MTMR3: variants seen among roughly 807,000 people sequenced by gnomAD.
The protein encoded by MTMR3 is myotubularin related protein 3.
Under a neutral mutation model 132.4 loss-of-function variants are expected in MTMR3, and 32 were observed. The ratio of observed to expected loss-of-function variants is 0.24; its 90% CI spans 0.18 to 0.32. MTMR3 has a LOEUF of 0.32. Among genes scored for constraint, MTMR3 ranks in the 10% least tolerant of loss-of-function variants. The pLI, the probability that MTMR3 is intolerant of heterozygous loss-of-function variation, is 1.00. For missense variants in MTMR3, 1,216 were observed against 1,489.6 expected (o/e 0.82, Z 3.02); for synonymous variants, 556 against 550.3 (o/e 1.01, Z -0.14).
intron 1 of MTMR3, among the ~76,000 whole-genome samples, chr22:29,955,443 T>C (rs750374866): frequency 6.6e-6 from 1 of 152,234 alleles, no homozygotes; most frequent in Non-Finnish European, 1.5e-5. Flanking sequence ...CCCTCAACTT[T>C]CCTGCTGTAC....
intron 15 of MTMR3, 39 bp from the exon 16 acceptor site, chr22:30,017,888 T>A (rs5763701): frequency 5.6e-6 from 9 of 1,610,550 alleles, no homozygotes; most frequent in Non-Finnish European, 6.8e-6. Context: ...AGAAGACTTA[T>A]TGGGGCATAT....
intron 1 of MTMR3, among the ~76,000 whole-genome samples, chr22:29,894,226 T>C (rs1050436029): frequency 6.6e-6 from 1 of 152,042 alleles, no homozygotes; most frequent in Non-Finnish European, 1.5e-5. Context: ...AGAAAGTGGG[T>C]GGTTAACTGG....
At chr22:29,971,416 T>G (rs575592741) in intron 3 of MTMR3, among the ~76,000 whole-genome samples, 4 of 152,196 alleles carry the variant, frequency 2.6e-5, no homozygotes, top group South Asian at 2.1e-4. Context: ...GTGTGTGTGT[T>G]TGTGTGTAGA....
chr22:29,976,414 CTAG>C (rs1210195409), intron 3 of MTMR3, among the ~76,000 whole-genome samples: 1 of 152,026 alleles, frequency 6.6e-6, no homozygotes, highest in Admixed American at 6.6e-5. Flanking sequence ...AAAAAAATGG[CTAG>C]TTCATCTCTT....
intron 1 of MTMR3, among the ~76,000 whole-genome samples, chr22:29,884,190 C>G (rs1055978671): frequency 2.0e-5 from 3 of 152,120 alleles, no homozygotes; most frequent in Non-Finnish European, 2.9e-5. Context: ...AATGTCCTTT[C>G]CAGACCCAGG....
At chr22:29,958,947 G>A (rs2066253716) in intron 2 of MTMR3, among the ~76,000 whole-genome samples, 1 of 152,128 alleles carries the variant, frequency 6.6e-6, no homozygotes, top group Non-Finnish European at 1.5e-5. Flanking sequence ...GTTGATTTAG[G>A]TTACTGTTTT....
intron 12 of MTMR3, chr22:30,011,935 C>G (rs2067439686): frequency 6.4e-6 from 1 of 156,604 alleles, no homozygotes; most frequent in South Asian, 1.9e-4. Context: ...TTTTTCTTTT[C>G]TTTTCTTTTC....
chr22:29,921,566 T>C (rs549884286), intron 1 of MTMR3, among the ~76,000 whole-genome samples: 2 of 152,306 alleles, frequency 1.3e-5, no homozygotes, highest in Non-Finnish European at 2.9e-5. Flanking sequence ...AATTGTACAG[T>C]TTTCTGGCAT....
Position 30,025,727 on chromosome 22 carries a change from T to A in MTMR3, c.3523T>A (p.Tyr1175Asn). Residue 1175 changes from tyrosine to asparagine, a missense_variant, in exon 20 of 20, where the codon TAT becomes AAT. Tyr to Asn is a moderately radical substitution (Grantham distance 143). Transcript: ENST00000401950. ...FEPSRVCKSCYSSLHPTSSSI... is the reference protein window; with the variant it reads ...FEPSRVCKSCNSSLHPTSSSI... ...ACCCAGTCGAGTATGCAAGTCTTGC[T>A]ATAGCAGCCTACATCCCACAAGCTC... is the stretch of plus-strand genomic sequence containing the variant. The A allele has an allele frequency of 6.2e-7, 1 of 1,614,216 alleles. No individual in the cohort carries two copies. Among genetic ancestry groups the A allele is most frequent in the Non-Finnish European group, 8.5e-7 (1 of 1,180,030 alleles).
chr22:30,020,517 C>T lies in MTMR3; in HGVS notation c.2858C>T (p.Thr953Ile), dbSNP rs771611983. The part of the protein sequence containing the change: ...PGLSTLQMYP[T>I]PNGHCANGEA... ...CTTAGCACCCTCCAGATGTACCCCA[C>T]ACCCAATGGGCATTGCGCCAATGGG... The change falls in exon 17 of 20, where the codon ACA becomes ATA. Residue 953 changes from threonine to isoleucine, a missense_variant. Thr to Ile is a moderately conservative substitution (Grantham distance 89). Coordinates refer to ENST00000401950, the MANE Select transcript of MTMR3 (RefSeq NM_021090.4). 3.1e-6 allele frequency: 5 copies of T among 1,614,208 alleles called. No homozygotes were observed. Among genetic ancestry groups the T allele is most frequent in the South Asian group, 1.1e-5 (1 of 91,090 alleles).
chr22:29,890,984 C>T lies in MTMR3; in HGVS notation c.-138+7625C>T, dbSNP rs186543437. 3.8e-3 allele frequency among the ~76,000 whole-genome samples: 570 copies of T among 151,372 alleles called. 4 individuals are homozygous for T. Among genetic ancestry groups the T allele is most frequent in the African/African-American group, 0.013 (546 of 41,142 alleles). ...ACTGTGATTGTGCTTATGAATATAG[C>T]CGCTGTACTCTAGCCTGGACAACAT... On this transcript the variant is annotated intron_variant, in intron 1 of 19. Transcript: ENST00000401950.
rs548767596 is a variant in MTMR3, at chr22:29,943,349, C to T, written c.-137-13687C>T. Among the ~76,000 whole-genome samples the T allele has an allele frequency of 2.7e-3, 418 of 152,018 alleles. 1 individual carries two copies. The highest frequency in any genetic ancestry group is 4.5e-3 in the Non-Finnish European group (303 of 67,956). On this transcript the variant is annotated intron_variant, in intron 1 of 19. Coordinates refer to ENST00000401950, the MANE Select transcript of MTMR3 (RefSeq NM_021090.4). ...CTGGGACTACAGGCACCTGCCACCA[C>T]GCCCGGCTAATTTTTTTGTATTTTT...
chr22:30,025,184 C>T (rs1178139622), intron 19 of MTMR3: 1 of 164,158 alleles, frequency 6.1e-6, no homozygotes, highest in Non-Finnish European at 1.3e-5. Context: ...TTGGGCAAGG[C>T]TCCTTACTCC....
At chr22:29,925,558 TAAAA>T (rs528978801) in intron 1 of MTMR3, among the ~76,000 whole-genome samples, 3 of 142,972 alleles carry the variant, frequency 2.1e-5, no homozygotes, top group African/African-American at 7.6e-5. Flanking sequence ...TTGTTTTCTT[TAAAA>T]AAAAAAAAAA....
intron 15 of MTMR3, chr22:30,016,972 T>C (rs561617409): frequency 5.1e-5 from 18 of 351,256 alleles, no homozygotes; most frequent in Non-Finnish European, 8.8e-5. Context: ...TGGCACTGCC[T>C]CCAGAGCTTA....
chr22:29,911,049 T>G (rs1211724570), intron 1 of MTMR3, among the ~76,000 whole-genome samples: 2 of 152,194 alleles, frequency 1.3e-5, no homozygotes, highest in African/African-American at 4.8e-5. Context: ...ATTTCTTGTT[T>G]TTGAGATTCT....
chr22:29,932,539 T>C (rs1422573118), intron 1 of MTMR3, among the ~76,000 whole-genome samples: 1 of 152,178 alleles, frequency 6.6e-6, no homozygotes, highest in Non-Finnish European at 1.5e-5. Flanking sequence ...ATTCAGATGA[T>C]TAATAGTATC....
rs906131237 is a variant in MTMR3 at position 30,019,491 on chromosome 22, C to G, written c.1832C>G (p.Thr611Ser). Residue 611 changes from threonine (T) to serine (S), a missense_variant, in exon 17 of 20, where the codon ACT becomes AGT. Transcript: ENST00000401950. ...TTCCTTTCCTTTAGGCTACCAAAGA[C>G]TAGATCATACGACAATCTGACCACA... Reference protein sequence around the residue: ...DDPPLSRLPKTRSYDNLTTAC... With the variant: ...DDPPLSRLPKSRSYDNLTTAC... 1 of 1,603,922 alleles carries G rather than the reference C, an allele frequency of 6.2e-7. No individual in the cohort carries two copies. The highest frequency in any genetic ancestry group is 8.5e-7 in the Non-Finnish European group (1 of 1,178,440).
intron 6 of MTMR3, 124 bp downstream of exon 6, chr22:29,988,686 G>T (rs2066903234): frequency 6.9e-6 from 4 of 583,620 alleles, no homozygotes; most frequent in Non-Finnish European, 1.1e-5. Context: ...AATATTTTCT[G>T]AGTAGTTTGT....
Sources: gnomAD v4.1 joint callset for allele counts (sites outside exome capture counted in the v4.1 genomes callset) on GRCh38, gnomAD v4.1.1 for gene constraint, MANE v1.5 for transcripts, NCBI Gene and HGNC (gene_info 2026-07-23, HGNC 2026-07-21) for gene names.